Variants in PARD3B observed in about 807,000 individuals in gnomAD.
PARD3B encodes par-3 family cell polarity regulator beta.
Under a neutral mutation model 130.2 loss-of-function variants are expected in PARD3B, and 103 were observed. The ratio of observed to expected loss-of-function variants is 0.79; its 90% CI spans 0.67 to 0.93. The LOEUF is 0.93. PARD3B is among the 40% of genes least tolerant of loss of function. PARD3B has a pLI of 0.00. For synonymous variants in PARD3B, 583 were observed against 553.2 expected (o/e 1.05, Z -0.76); for missense variants, 1,609 against 1,499.2 (o/e 1.07, Z -1.21).
At chr2:205,338,170 A>C (rs2043387651) in intron 18 of PARD3B, among the ~76,000 whole-genome samples, 1 of 151,316 alleles carries the variant, frequency 6.6e-6, no homozygotes, top group Non-Finnish European at 1.5e-5. Flanking sequence ...AAAAAAAAAA[A>C]AAAAAAAAGG....
chr2:205,179,190 A>G (rs2035649784), intron 13 of PARD3B, among the ~76,000 whole-genome samples: 1 of 151,974 alleles, frequency 6.6e-6, no homozygotes, highest in Non-Finnish European at 1.5e-5. Context: ...ATAAAGAAAA[A>G]ATATGTTTCT....
intron 3 of PARD3B, among the ~76,000 whole-genome samples, chr2:204,989,205 G>C (rs1166802567): frequency 6.6e-6 from 1 of 152,148 alleles, no homozygotes; most frequent in Non-Finnish European, 1.5e-5. Flanking sequence ...GGAAGTGAGG[G>C]ATTGACCAGG....
At chr2:204,551,015 T>G (rs964798156) in intron 1 of PARD3B, among the ~76,000 whole-genome samples, 1 of 152,186 alleles carries the variant, frequency 6.6e-6, no homozygotes, top group Admixed American at 6.5e-5. Context: ...TATTTCCTAT[T>G]CAGACCTCAC....
intron 1 of PARD3B, among the ~76,000 whole-genome samples, chr2:204,579,383 G>A (rs1304577130): frequency 6.6e-6 from 1 of 151,928 alleles, no homozygotes. Flanking sequence ...TTCATTCTTG[G>A]TGGTTCCCAG....
chr2:204,809,125 GT>G (rs952216264), intron 2 of PARD3B, among the ~76,000 whole-genome samples: 3 of 149,650 alleles, frequency 2.0e-5, no homozygotes, highest in Non-Finnish European at 3.0e-5. Flanking sequence ...GGGTTTGTCT[GT>G]TTTTTTTTCT....
At chr2:204,759,933 T>C (rs1239556737) in intron 2 of PARD3B, among the ~76,000 whole-genome samples, 1 of 152,080 alleles carries the variant, frequency 6.6e-6, no homozygotes, top group East Asian at 1.9e-4. Flanking sequence ...CTGGAACATA[T>C]AGAAGATTAC....
intron 20 of PARD3B, among the ~76,000 whole-genome samples, chr2:205,467,576 A>G (rs1485302922): frequency 2.1e-5 from 3 of 141,768 alleles, no homozygotes; most frequent in African/African-American, 9.5e-5. Flanking sequence ...CACAATAATT[A>G]TTCTAGAGCT....
intron 1 of PARD3B, among the ~76,000 whole-genome samples, chr2:204,619,926 T>C (rs116091015): frequency 0.013 from 2,051 of 152,258 alleles, 45 homozygotes; most frequent in African/African-American, 0.044. Context: ...TTGTAGGCAC[T>C]CAGGCTGACA....
chr2:205,080,886 C>T (rs949962123), intron 4 of PARD3B, among the ~76,000 whole-genome samples: 18 of 151,232 alleles, frequency 1.2e-4, no homozygotes, highest in Admixed American at 9.2e-4. Context: ...GGAGGTTGAG[C>T]ACCTCTTCAT....
intron 20 of PARD3B, among the ~76,000 whole-genome samples, chr2:205,455,216 G>A (rs2048231058): frequency 6.6e-6 from 1 of 152,154 alleles, no homozygotes; most frequent in Admixed American, 6.6e-5. Flanking sequence ...TGTAAAATGA[G>A]CATAATCGTA....
chr2:204,998,312 G>GTATATATATATATATA (rs771546892), intron 3 of PARD3B, among the ~76,000 whole-genome samples: 7 of 52,002 alleles, frequency 1.3e-4, no homozygotes, highest in South Asian at 6.2e-4. Flanking sequence ...AGAACTTAAA[G>GTATATATATATATATA]TATATATATA....
intron 3 of PARD3B, among the ~76,000 whole-genome samples, chr2:205,035,538 G>C (rs941988936): frequency 6.6e-6 from 1 of 151,778 alleles, no homozygotes; most frequent in African/African-American, 2.4e-5. Context: ...TTATCTTCCA[G>C]TGCCCACATA....
At position 204,724,398 on chromosome 2, in the gene PARD3B, T is replaced by G. The variant is rs372334341; in HGVS notation, c.222+38116T>G. Among the ~76,000 whole-genome samples, 12 of 152,322 alleles carry G rather than the reference T, an allele frequency of 7.9e-5. No individual in the cohort carries two copies. The East Asian group carries it at 1.9e-3, about 24-fold the overall frequency. Reference sequence around the variant, plus strand: ...TCTTTTATGGATTTTATGCCCCACCTGGAGCAGTACTCAGTAATGTATTCA... The same window carrying G: ...TCTTTTATGGATTTTATGCCCCACCGGGAGCAGTACTCAGTAATGTATTCA... On this transcript the variant is annotated intron_variant, in intron 2 of 22. Transcript: ENST00000406610.
intron 6 of PARD3B, among the ~76,000 whole-genome samples, chr2:205,113,939 A>T (rs1274438443): frequency 6.6e-6 from 1 of 152,136 alleles, no homozygotes; most frequent in Admixed American, 6.6e-5. Flanking sequence ...TCAACAAGTG[A>T]GTATAATAAT....
At chr2:205,054,413 T>TTAAAAAAAA (rs1699457911) in intron 4 of PARD3B, among the ~76,000 whole-genome samples, 1 of 20,342 alleles carries the variant, frequency 4.9e-5, no homozygotes, top group Non-Finnish European at 1.3e-4. Context: ...TTTATATATA[T>TTAAAAAAAA]ATATATATAT....
intron 1 of PARD3B, among the ~76,000 whole-genome samples, chr2:204,645,718 G>A (rs533371137): frequency 1.3e-5 from 2 of 152,088 alleles, no homozygotes; most frequent in South Asian, 2.1e-4. Flanking sequence ...ACACAAATAT[G>A]AAGTGACCAT....
chr2:204,565,756 C>A (rs1264177756), intron 1 of PARD3B, among the ~76,000 whole-genome samples: 1 of 152,046 alleles, frequency 6.6e-6, no homozygotes, highest in African/African-American at 2.4e-5. Flanking sequence ...GTTCATCTGC[C>A]AGTCATTCCC....
intron 2 of PARD3B, among the ~76,000 whole-genome samples, chr2:204,703,858 A>G (rs2038010353): frequency 6.6e-6 from 1 of 152,160 alleles, no homozygotes; most frequent in Non-Finnish European, 1.5e-5. Flanking sequence ...AGATGCCACA[A>G]TGTAGGGCAC....
chr2:205,074,191 G>T (rs544866311), intron 4 of PARD3B, among the ~76,000 whole-genome samples: 2 of 152,166 alleles, frequency 1.3e-5, no homozygotes, highest in East Asian at 3.9e-4. Context: ...GATTCATATA[G>T]CACTTTCTGA....
Sources: gnomAD v4.1 joint callset for allele counts (sites outside exome capture counted in the v4.1 genomes callset) on GRCh38, gnomAD v4.1.1 for gene constraint, MANE v1.5 for transcripts, NCBI Gene and HGNC (gene_info 2026-07-23, HGNC 2026-07-21) for gene names.